The following OTOA variants were observed in gnomAD, a reference collection of about 807,000 sequenced individuals.
OTOA encodes cancer/testis antigen 108.
A neutral mutation model predicts 110.8 loss-of-function variants in OTOA; 70 were observed. The observed-to-expected ratio is 0.63, with a 90% CI of 0.52 to 0.77. The LOEUF (loss-of-function observed/expected upper bound fraction) is 0.77. Among genes scored for constraint, OTOA ranks in the 30% least tolerant of loss-of-function variants. OTOA has a pLI of 0.00. For missense variants in OTOA, 917 were observed against 1,075.8 expected (o/e 0.85, Z 2.06); for synonymous variants, 373 against 431.5 (o/e 0.86, Z 1.68).
In OTOA at chr16:21,715,092, T is replaced by C. The variant is rs768356060; in HGVS notation, c.1428T>C (p.Ser476=). ...AGGACATCTCGCAGGTCCTGAGAAG[T>C]GCCGTCTCCCAGTATGTATCCGACT... ...KRKDISQVLR[S]AVSQYVSDLS... Residue 476 remains serine (S), a synonymous_variant, in exon 14 of 29, where the codon AGT becomes AGC. Coordinates refer to ENST00000646100, the MANE Select transcript of OTOA (RefSeq NM_144672.4). 4 of 1,614,188 alleles carry C rather than the reference T, an allele frequency of 2.5e-6. No individual in the cohort carries two copies. The South Asian group carries it at 3.3e-5, about 13-fold the overall frequency.
intron 6 of OTOA, 85 bp downstream of exon 6, chr16:21,681,910 G>A: frequency 7.9e-7 from 1 of 1,258,302 alleles, no homozygotes; most frequent in Non-Finnish European, 1.2e-6. Context: ...GGAGAAGTGG[G>A]CTGGATGTAG....
At chr16:21,729,653 C>T (rs555349911) in intron 20 of OTOA, 50 of 152,270 alleles carry the variant, frequency 3.3e-4, no homozygotes, top group Middle Eastern at 3.4e-3. Flanking sequence ...AAAATCCTTC[C>T]GGGCTTTGCC....
intron 11 of OTOA, among the ~76,000 whole-genome samples, chr16:21,701,827 G>A (rs1461308153): frequency 6.6e-6 from 1 of 151,828 alleles, no homozygotes; most frequent in Non-Finnish European, 1.5e-5. Flanking sequence ...TGCCATGTTG[G>A]TCAGGCTGGT....
At chr16:21,726,089 T>G (rs1376105507) in intron 18 of OTOA, among the ~76,000 whole-genome samples, 1 of 152,198 alleles carries the variant, frequency 6.6e-6, no homozygotes, top group Admixed American at 6.5e-5. Context: ...TCGTTGTCTC[T>G]TTTTTCATCT....
chr16:21,710,790 G>A (rs1332227706), intron 13 of OTOA, among the ~76,000 whole-genome samples: 1 of 152,120 alleles, frequency 6.6e-6, no homozygotes. Context: ...ATCACCTGAC[G>A]CCAGGAGTTT....
intron 5 of OTOA, among the ~76,000 whole-genome samples, chr16:21,679,431 C>T (rs1020697816): frequency 2.6e-5 from 4 of 151,988 alleles, no homozygotes; most frequent in Admixed American, 6.6e-5. Context: ...AATGGAGTTT[C>T]GCTCTTGTTG....
chr16:21,707,569 C>A (rs1481549016), intron 12 of OTOA, among the ~76,000 whole-genome samples: 1 of 149,740 alleles, frequency 6.7e-6, no homozygotes, highest in African/African-American at 2.5e-5. Context: ...TCCCTCCCTC[C>A]CTCCCTACCT....
chr16:21,726,970 T>C, intron 19 of OTOA: 1 of 383,892 alleles, frequency 2.6e-6, no homozygotes, highest in East Asian at 6.1e-5. Flanking sequence ...AGCCTCAGTC[T>C]TCTCATCTGT....
chr16:21,684,638 C>A, intron 6 of OTOA: 1 of 1,126,380 alleles, frequency 8.9e-7, no homozygotes, highest in Non-Finnish European at 1.3e-6. Flanking sequence ...CAATTATTGC[C>A]TAAAAGGGGA....
At chr16:21,665,436 C>A (rs1273365094) in intron 1 of OTOA, among the ~76,000 whole-genome samples, 1 of 152,156 alleles carries the variant, frequency 6.6e-6, no homozygotes, top group Non-Finnish European at 1.5e-5. Flanking sequence ...AGTTCTGTCT[C>A]ATTAAATGAC....
At chr16:21,687,001 T>G (rs1309751708) in intron 7 of OTOA, among the ~76,000 whole-genome samples, 1 of 152,070 alleles carries the variant, frequency 6.6e-6, no homozygotes, top group Non-Finnish European at 1.5e-5. Context: ...TAATGCATTA[T>G]AGAGTTTGGT....
intron 22 of OTOA, among the ~76,000 whole-genome samples, chr16:21,736,747 C>T (rs1416360580): frequency 1.3e-5 from 2 of 152,096 alleles, no homozygotes; most frequent in Admixed American, 1.3e-4. Flanking sequence ...ACGAGGATTG[C>T]TTGAACCCAG....
chr16:21,719,557 T>C, intron 17 of OTOA, 53 bp downstream of exon 17: 1 of 1,500,238 alleles, frequency 6.7e-7, no homozygotes, highest in South Asian at 1.1e-5. Context: ...CCCCAGTCAC[T>C]GGGCCTGGAT....
chr16:21,721,146 C>A (rs1898722155), intron 17 of OTOA, among the ~76,000 whole-genome samples: 1 of 151,232 alleles, frequency 6.6e-6, no homozygotes, highest in African/African-American at 2.4e-5. Context: ...AACTCCTGAC[C>A]TCCAGTGATC....
At chr16:21,696,966 T>TAGCTCACA in intron 9 of OTOA, among the ~76,000 whole-genome samples, 1 of 26,030 alleles carries the variant, frequency 3.8e-5, no homozygotes, top group Non-Finnish European at 9.8e-5. Flanking sequence ...TAGAGTGAGC[T>TAGCTCACA]GTAGCCTCAA....
rs1267321759 is a variant in OTOA at position 21,756,302 on chromosome 16, TC to T, written c.3154-779del. ...CAACTCATGTTGTCCATAGCAGATA[TC>T]ACCAATAGATGACTGCATTTTCCCT... On this transcript the variant is annotated intron_variant, in intron 27 of 28. Coordinates refer to ENST00000646100, the MANE Select transcript of OTOA (RefSeq NM_144672.4). 2.0e-5 allele frequency among the ~76,000 whole-genome samples: 3 copies of T among 151,960 alleles called. No individual in the cohort carries two copies. The East Asian group carries it at 5.8e-4, about 29-fold the overall frequency.
At chr16:21,721,377 A>G (rs1188625330) in intron 17 of OTOA, 2 of 455,402 alleles carry the variant, frequency 4.4e-6, no homozygotes, top group South Asian at 1.5e-5. Context: ...ACTTTTGGCC[A>G]TGTCTGCAAA....
intron 21 of OTOA, among the ~76,000 whole-genome samples, chr16:21,734,286 C>T (rs1232830665): frequency 5.4e-5 from 8 of 149,266 alleles, no homozygotes; most frequent in Admixed American, 2.0e-4. Context: ...AACCAAATAC[C>T]GCATGTTCTT....
rs771927295 is a variant in OTOA, at chr16:21,704,980, G to C, written c.981-189G>C. ...AATTCAGCCCCCATTCCTTGGTCTC[G>C]TCTGAGCAGTTAGGTTCCGCCTGTG... is the stretch of plus-strand genomic sequence containing the variant. On this transcript the variant is annotated intron_variant, in intron 11 of 28. Coordinates refer to ENST00000646100, the MANE Select transcript of OTOA (RefSeq NM_144672.4). The C allele has an allele frequency of 1.2e-5, 11 of 908,158 alleles. No individual in the cohort carries two copies. The East Asian group carries it at 1.7e-4, about 14-fold the overall frequency. The allele number at this position is 908,158 out of a possible 1,614,324, so 56.3% of individuals were successfully genotyped here.
Sources: gnomAD v4.1 joint callset for allele counts (sites outside exome capture counted in the v4.1 genomes callset) on GRCh38, gnomAD v4.1.1 for gene constraint, MANE v1.5 for transcripts, NCBI Gene and HGNC (gene_info 2026-07-23, HGNC 2026-07-21) for gene names.